The following ENTREP2 variants were observed in gnomAD, a reference collection of about 807,000 sequenced individuals.
The protein encoded by ENTREP2 is protein ENTREP2.
the ENTREP2 span, among the ~76,000 whole-genome samples, chr15:29,270,634 A>ATAATATAT: frequency 6.9e-6 from 1 of 145,586 alleles, no homozygotes; most frequent in African/African-American, 2.8e-5. Context: ...TTCTTAATTC[A>ATAATATAT]TAATATATTA....
chr15:29,587,096 T>C, the ENTREP2 span, among the ~76,000 whole-genome samples: 1 of 151,276 alleles, frequency 6.6e-6, no homozygotes, highest in African/African-American at 2.4e-5. Flanking sequence ...GAACTAGAAA[T>C]GGGAATATGA....
the ENTREP2 span, among the ~76,000 whole-genome samples, chr15:29,448,466 G>A: frequency 6.6e-6 from 1 of 152,166 alleles, no homozygotes; most frequent in South Asian, 2.1e-4. Flanking sequence ...TTAAAACCAT[G>A]CCCAGGTCAT....
At chr15:29,524,272 C>T in the ENTREP2 span, among the ~76,000 whole-genome samples, 3 of 152,174 alleles carry the variant, frequency 2.0e-5, no homozygotes, top group African/African-American at 7.2e-5. Context: ...TGAAAAGATG[C>T]TCAACATCTC....
At chr15:29,227,129 G>A in the ENTREP2 span, among the ~76,000 whole-genome samples, 1 of 152,200 alleles carries the variant, frequency 6.6e-6, no homozygotes, top group Non-Finnish European at 1.5e-5. Context: ...CTGGCTGGAG[G>A]GGGAATGACA....
At chr15:29,259,724 C>A in the ENTREP2 span, among the ~76,000 whole-genome samples, 1 of 152,016 alleles carries the variant, frequency 6.6e-6, no homozygotes, top group African/African-American at 2.4e-5. Context: ...CACCTACAAT[C>A]CCAGCACTTC....
At chr15:29,269,969 C>A in the ENTREP2 span, 1 of 425,316 alleles carries the variant, frequency 2.4e-6, no homozygotes. Context: ...AGTGTTGTTA[C>A]CAAACCATGC....
chr15:29,268,617 A>G, the ENTREP2 span: 5 of 538,134 alleles, frequency 9.3e-6, no homozygotes, highest in Non-Finnish European at 1.5e-5. Context: ...GAAAATCTGG[A>G]GCAAAATAAC....
chr15:29,330,596 C>T, the ENTREP2 span, among the ~76,000 whole-genome samples: 6 of 151,860 alleles, frequency 4.0e-5, no homozygotes, highest in Non-Finnish European at 7.4e-5. Flanking sequence ...CGAGGTCATA[C>T]GAAGTGAGGA....
chr15:29,544,998 T>C, the ENTREP2 span, among the ~76,000 whole-genome samples: 65,224 of 152,004 alleles, frequency 0.43, 14,669 homozygotes, highest in African/African-American at 0.57. Flanking sequence ...AAAGATTTCA[T>C]GATGATATAC....
At chr15:29,183,321 G>C in the ENTREP2 span, among the ~76,000 whole-genome samples, 14 of 152,204 alleles carry the variant, frequency 9.2e-5, no homozygotes, top group Admixed American at 9.2e-4. Flanking sequence ...AGGACATCGA[G>C]AAGCAAGGCT....
the ENTREP2 span, among the ~76,000 whole-genome samples, chr15:29,246,880 G>A: frequency 5.3e-5 from 8 of 151,302 alleles, no homozygotes; most frequent in Non-Finnish European, 1.2e-4. Flanking sequence ...AATGTCCCAG[G>A]CTACATGGTT....
the ENTREP2 span, among the ~76,000 whole-genome samples, chr15:29,626,875 A>T: frequency 8.6e-4 from 131 of 152,194 alleles, no homozygotes; most frequent in Non-Finnish European, 1.6e-3. Flanking sequence ...ATAAAGACAA[A>T]TAAAACAAAT....
At chr15:29,393,833 T>A in the ENTREP2 span, among the ~76,000 whole-genome samples, 148 of 152,294 alleles carry the variant, frequency 9.7e-4, no homozygotes, top group African/African-American at 3.4e-3. Context: ...GTATTCCACA[T>A]ATCCTATTAT....
chr15:29,340,961 A>G, the ENTREP2 span, among the ~76,000 whole-genome samples: 2 of 152,100 alleles, frequency 1.3e-5, no homozygotes, highest in Non-Finnish European at 2.9e-5. Flanking sequence ...CTTATTTATG[A>G]CTCAAATATG....
chr15:29,650,253 T>C, the ENTREP2 span, among the ~76,000 whole-genome samples: 2 of 152,112 alleles, frequency 1.3e-5, no homozygotes, highest in Non-Finnish European at 2.9e-5. Context: ...AAGGTACTCA[T>C]TTACTGGAGC....
chr15:29,598,890 G>A, the ENTREP2 span, among the ~76,000 whole-genome samples: 1 of 152,100 alleles, frequency 6.6e-6, no homozygotes, highest in Admixed American at 6.6e-5. Flanking sequence ...TAGAGACGGG[G>A]TTTCACCGTG....
the ENTREP2 span, among the ~76,000 whole-genome samples, chr15:29,432,766 G>A: frequency 6.6e-6 from 1 of 151,564 alleles, no homozygotes; most frequent in African/African-American, 2.4e-5. Flanking sequence ...TCCTCCCCCA[G>A]CTCCCTGCTG....
the ENTREP2 span, among the ~76,000 whole-genome samples, chr15:29,298,815 T>C: frequency 6.6e-6 from 1 of 152,194 alleles, no homozygotes; most frequent in Non-Finnish European, 1.5e-5. Context: ...CAGTCTTACA[T>C]GAACTCTTCC....
the ENTREP2 span, among the ~76,000 whole-genome samples, chr15:29,564,654 C>T: frequency 6.6e-6 from 1 of 152,182 alleles, no homozygotes; most frequent in South Asian, 2.1e-4. Context: ...ACCAGACTTC[C>T]ATCCTACTTT....
Sources: allele counts gnomAD v4.1 joint callset (sites outside exome capture counted in the v4.1 genomes callset), GRCh38; gene constraint gnomAD v4.1.1; transcripts MANE v1.5; gene names NCBI Gene and HGNC (gene_info 2026-07-23, HGNC 2026-07-21).